ZC3H13: variants seen among roughly 807,000 people sequenced by gnomAD.
ZC3H13 encodes zinc finger CCCH domain-containing protein 13.
In ZC3H13, 64 loss-of-function variants were observed where a neutral mutation model predicts 204.1. That is an observed-to-expected ratio of 0.31 (90% CI 0.26 to 0.39). ZC3H13 has a LOEUF of 0.39. Among genes scored for constraint, ZC3H13 ranks in the 10% least tolerant of loss-of-function variants. The pLI, the probability that ZC3H13 is intolerant of heterozygous loss-of-function variation, is 1.00. For missense variants in ZC3H13, 1,833 were observed against 2,082.7 expected (o/e 0.88, Z 2.33); for synonymous variants, 667 against 693.7 (o/e 0.96, Z 0.60).
chr13:45,994,589 G>A (rs979887525), intron 8 of ZC3H13, among the ~76,000 whole-genome samples: 1 of 152,132 alleles, frequency 6.6e-6, no homozygotes, highest in African/African-American at 2.4e-5. Context: ...TGTGATCAAG[G>A]GTTAGAAAAA....
At chr13:45,967,451 C>G (rs1474654797) in intron 15 of ZC3H13, 53 bp downstream of exon 15, 6 of 1,477,102 alleles carry the variant, frequency 4.1e-6, no homozygotes, top group Admixed American at 2.5e-5. Flanking sequence ...TTGTTTCCCA[C>G]GAAATCTGAA....
chr13:46,032,362 C>CAAAAAA (rs11323386), intron 4 of ZC3H13, among the ~76,000 whole-genome samples: 4 of 99,654 alleles, frequency 4.0e-5, no homozygotes, highest in Admixed American at 1.0e-4. Context: ...AGAAAAAGAC[C>CAAAAAA]AAAAAAAAAA....
intron 9 of ZC3H13, 129 bp downstream of exon 9, chr13:45,988,658 T>A: frequency 1.0e-6 from 1 of 982,950 alleles, no homozygotes; most frequent in East Asian, 2.5e-5. Flanking sequence ...CATCTCCTAT[T>A]GCCCTCAAAA....
At chr13:45,964,681 A>C (rs1227890547) in intron 16 of ZC3H13, among the ~76,000 whole-genome samples, 1 of 152,200 alleles carries the variant, frequency 6.6e-6, no homozygotes, top group Non-Finnish European at 1.5e-5. Flanking sequence ...AATCAAAGAA[A>C]AGATCCTCAC....
intron 4 of ZC3H13, among the ~76,000 whole-genome samples, chr13:46,036,658 T>C (rs778855993): frequency 2.0e-5 from 3 of 152,188 alleles, no homozygotes; most frequent in Non-Finnish European, 2.9e-5. Context: ...AGAAAAAGTA[T>C]TTAACCAGTT....
At chr13:45,958,873 C>A (rs968744780) in intron 18 of ZC3H13, among the ~76,000 whole-genome samples, 3 of 151,942 alleles carry the variant, frequency 2.0e-5, no homozygotes, top group Non-Finnish European at 4.4e-5. Context: ...CCAGGATGGT[C>A]TCGATCTCCT....
chr13:46,005,846 C>A (rs1169025195), intron 7 of ZC3H13, among the ~76,000 whole-genome samples: 1 of 152,050 alleles, frequency 6.6e-6, no homozygotes, highest in Non-Finnish European at 1.5e-5. Context: ...GTAATCCCAG[C>A]ACTTTGAAAG....
chr13:46,011,155 A>T (rs1014714421), intron 6 of ZC3H13, among the ~76,000 whole-genome samples: 16 of 152,156 alleles, frequency 1.1e-4, no homozygotes, highest in African/African-American at 3.9e-4. Flanking sequence ...GCAGATTCAA[A>T]CCCCATGTTA....
At chr13:45,993,865 C>G (rs1207248566) in intron 8 of ZC3H13, among the ~76,000 whole-genome samples, 1 of 152,144 alleles carries the variant, frequency 6.6e-6, no homozygotes, top group Non-Finnish European at 1.5e-5. Flanking sequence ...CATAATGATA[C>G]TTGTAAAACA....
chr13:46,018,723 A>ATTCC (rs1274236716), intron 5 of ZC3H13, among the ~76,000 whole-genome samples: 1 of 152,188 alleles, frequency 6.6e-6, no homozygotes, highest in Non-Finnish European at 1.5e-5. Flanking sequence ...CCTACCAGGA[A>ATTCC]GAAAAAGAAC....
At chr13:45,981,803 G>A (rs1280814113) in intron 10 of ZC3H13, among the ~76,000 whole-genome samples, 1 of 149,474 alleles carries the variant, frequency 6.7e-6, no homozygotes, top group Non-Finnish European at 1.5e-5. Flanking sequence ...TCACTCATAG[G>A]TGGGAATTGA....
At chr13:45,965,471 A>T in intron 15 of ZC3H13, 39 bp from the exon 16 acceptor site, 1 of 1,603,452 alleles carries the variant, frequency 6.2e-7, no homozygotes, top group Non-Finnish European at 8.5e-7. Context: ...AGACAACATT[A>T]AAGGGAGAGG....
intron 15 of ZC3H13, 108 bp from the exon 16 acceptor site, chr13:45,965,540 C>G (rs2137828300): frequency 9.8e-7 from 1 of 1,015,470 alleles, no homozygotes; most frequent in Admixed American, 3.1e-5. Flanking sequence ...TGAAAAACAT[C>G]TTTTCATCAG....
intron 11 of ZC3H13, chr13:45,976,253 T>TA: frequency 7.1e-6 from 7 of 984,884 alleles, no homozygotes; most frequent in Non-Finnish European, 8.4e-6. Flanking sequence ...GCAGGAGGTG[T>TA]AGAACATAGG....
intron 10 of ZC3H13, among the ~76,000 whole-genome samples, chr13:45,984,536 T>C (rs2138182443): frequency 6.6e-6 from 1 of 152,306 alleles, no homozygotes; most frequent in East Asian, 1.9e-4. Flanking sequence ...AATTAAAAAC[T>C]GTTTTCTAAA....
At chr13:45,958,093 A>C (rs1200678071) in intron 18 of ZC3H13, among the ~76,000 whole-genome samples, 2 of 152,182 alleles carry the variant, frequency 1.3e-5, no homozygotes, top group Non-Finnish European at 2.9e-5. Context: ...CTTTTAAGTG[A>C]GGAAAACTTG....
At chr13:46,011,300 T>C (rs1201621346) in intron 6 of ZC3H13, 115 bp downstream of exon 6, 1 of 884,354 alleles carries the variant, frequency 1.1e-6, no homozygotes, top group African/African-American at 1.7e-5. Flanking sequence ...TACAGTGGGT[T>C]GATCAATATA....
At chr13:46,022,530 T>G (rs922822050) in intron 4 of ZC3H13, among the ~76,000 whole-genome samples, 2 of 151,974 alleles carry the variant, frequency 1.3e-5, no homozygotes, top group African/African-American at 4.8e-5. Context: ...TATTCCACCT[T>G]GCTGTATTTC....
rs1333864701 is a variant in ZC3H13 at position 45,969,103 on chromosome 13, G to A, written c.3441C>T (p.Thr1147=). Residue 1147 remains threonine (T), a synonymous_variant, in exon 14 of 19, where the codon ACC becomes ACT. Coordinates refer to ENST00000679008, the MANE Select transcript of ZC3H13 (RefSeq NM_001330564.2). ...AGTCTTCATTGGCAAAAGTATTATT[G>A]GTGGTATTGGTGGGGGTGGCAGAGG... ...ISTSATPTNT[T]NNTFANEDSH... 9.3e-6 allele frequency: 15 copies of A among 1,614,154 alleles called. No homozygotes were observed. The highest frequency in any genetic ancestry group is 1.2e-5 in the Non-Finnish European group (14 of 1,180,020).
Sources: gnomAD v4.1 joint callset for allele counts (sites outside exome capture counted in the v4.1 genomes callset) on GRCh38, gnomAD v4.1.1 for gene constraint, MANE v1.5 for transcripts, NCBI Gene and HGNC (gene_info 2026-07-23, HGNC 2026-07-21) for gene names.